Variants in UBXN2B observed in about 807,000 individuals in gnomAD.
The protein encoded by UBXN2B is UBX domain protein 2B.
A neutral mutation model predicts 37.5 loss-of-function variants in UBXN2B; 19 were observed. That is an observed-to-expected ratio of 0.51 (90% confidence interval 0.35 to 0.74). The LOEUF (loss-of-function observed/expected upper bound fraction) is 0.74, where lower values mean the gene tolerates loss of function less well. UBXN2B is among the 30% of genes least tolerant of loss of function. The pLI is 0.01. For missense variants in UBXN2B, 370 were observed against 393.2 expected, an observed-to-expected ratio of 0.94 and a Z score of 0.50; for synonymous variants, 145 against 143.8, an observed-to-expected ratio of 1.01 and a Z score of -0.06.
At position 58,450,951 on chromosome 8, in the gene UBXN2B, C is replaced by T. The variant is rs2129604859; in HGVS notation, c.*3400C>T. The stretch of plus-strand genomic sequence containing the variant: ...TCAAAATAAGCCCTACTCCTTTTCA[C>T]TTACTGAAAACAACTTGGATAATGT... On this transcript the variant is annotated 3_prime_UTR_variant, in exon 8 of 8. Transcript: ENST00000399598. The T allele has an allele frequency of 6.5e-6, 1 of 152,716 alleles. No individual in the cohort carries two copies. The highest frequency in any genetic ancestry group is 6.5e-5 in the Admixed American group (1 of 15,296). The allele number at this position is 152,716 out of a possible 1,614,324, so 9.5% of individuals were successfully genotyped here.
rs370716179 is a variant in UBXN2B at position 58,445,964 on chromosome 8, A to G, written c.729A>G (p.Ile243Met). Residue 243 changes from isoleucine to methionine, a missense_variant, in exon 7 of 8, where the codon ATA (isoleucine) becomes ATG (methionine). By Grantham distance (10) the Ile-to-Met change is conservative. Coordinates refer to ENST00000399598, the MANE Select transcript of UBXN2B (RefSeq NM_001077619.2). ...CTCCAGAAGAGGAGGATAAATCAAT[A>G]CTTAATGCAGTTGTTCTTATTGATG... Reference protein sequence around the residue: ...PSSPEEEDKSILNAVVLIDDS... With the variant: ...PSSPEEEDKSMLNAVVLIDDS... The G allele has an allele frequency of 3.7e-6, 6 of 1,613,024 alleles. No individual in the cohort carries two copies. In the African/African-American group the frequency reaches 6.7e-5, roughly 18 times the overall value.
At chr8:58,438,989 A>G (rs1808482155) in intron 5 of UBXN2B, among the ~76,000 whole-genome samples, 1 of 152,122 alleles carries the variant, frequency 6.6e-6, no homozygotes, top group African/African-American at 2.4e-5. Flanking sequence ...TAGTTCACTC[A>G]AGAGCTGGTT....
chr8:58,420,479 T>C (rs149988906), intron 2 of UBXN2B, among the ~76,000 whole-genome samples: 1,836 of 152,318 alleles, frequency 0.012, 26 homozygotes, highest in African/African-American at 0.041. Flanking sequence ...ATCAAAATGA[T>C]GACATCCTAA....
chr8:58,425,515 T>C, intron 2 of UBXN2B: 1 of 1,095,430 alleles, frequency 9.1e-7, no homozygotes, highest in Non-Finnish European at 1.4e-6. Flanking sequence ...CCTGGTATGA[T>C]CAAAGGGCAG....
chr8:58,435,868 T>C (rs184210331), intron 5 of UBXN2B, among the ~76,000 whole-genome samples: 46 of 152,328 alleles, frequency 3.0e-4, no homozygotes, highest in African/African-American at 1.0e-3. Context: ...TTCTCAGCTA[T>C]GTAAGACCCA....
At chr8:58,418,858 T>A (rs1169303667) in intron 2 of UBXN2B, among the ~76,000 whole-genome samples, 1 of 152,244 alleles carries the variant, frequency 6.6e-6, no homozygotes, top group African/African-American at 2.4e-5. Flanking sequence ...AATATGTATC[T>A]CTGTACTTGC....
intron 2 of UBXN2B, among the ~76,000 whole-genome samples, chr8:58,423,715 G>A (rs192098727): frequency 5.3e-5 from 8 of 150,920 alleles, no homozygotes; most frequent in East Asian, 3.9e-4. Flanking sequence ...GATTACAGGC[G>A]TGAGCCACCG....
At chr8:58,441,143 C>T (rs367640817) in intron 6 of UBXN2B, among the ~76,000 whole-genome samples, 4 of 151,654 alleles carry the variant, frequency 2.6e-5, no homozygotes, top group East Asian at 1.9e-4. Flanking sequence ...CACTGCCGAG[C>T]GCAGCTCATT....
chr8:58,419,109 A>G (rs995662554), intron 2 of UBXN2B, among the ~76,000 whole-genome samples: 2 of 152,230 alleles, frequency 1.3e-5, no homozygotes, highest in Non-Finnish European at 2.9e-5. Context: ...TTCTAGAATA[A>G]TTTATCTATC....
At chr8:58,427,970 G>A (rs1808146791) in intron 2 of UBXN2B, among the ~76,000 whole-genome samples, 1 of 152,180 alleles carries the variant, frequency 6.6e-6, no homozygotes, top group Admixed American at 6.5e-5. Context: ...AACAATTTTG[G>A]TATGAAAGTC....
chr8:58,429,851 A>G (rs1052725278), intron 2 of UBXN2B, among the ~76,000 whole-genome samples: 1 of 152,200 alleles, frequency 6.6e-6, no homozygotes, highest in Non-Finnish European at 1.5e-5. Context: ...TTCTTGATAG[A>G]AAAAAATCTT....
chr8:58,432,375 C>CTTTTTTTTTTTTTTT (rs34018318), intron 3 of UBXN2B, among the ~76,000 whole-genome samples: 16 of 81,520 alleles, frequency 2.0e-4, no homozygotes, highest in Non-Finnish European at 2.6e-4. Flanking sequence ...TTCTAAATTT[C>CTTTTTTTTTTTTTTT]TTTTTTTTTT....
At position 58,416,891 on chromosome 8, in the gene UBXN2B, A is replaced by C. The variant is rs1246033510; in HGVS notation, c.126A>C (p.Lys42Asn). The change falls in exon 2 of 8, where the codon AAA (lysine) becomes AAC (asparagine). Residue 42 changes from lysine (K) to asparagine (N), a missense_variant. By Grantham distance (94) the Lys-to-Asn change is moderately conservative. Coordinates refer to ENST00000399598, the MANE Select transcript of UBXN2B (RefSeq NM_001077619.2). ...TGTATGAAGATGAAGTGAAGTGCAA[A>C]TCTTCCAAGTCTAATAGACCTAAAG... ...AELYEDEVKC[K>N]SSKSNRPKAT... 6.2e-7 allele frequency: 1 copy of C among 1,612,898 alleles called. No individual in the cohort carries two copies. The highest frequency in any genetic ancestry group is 1.7e-5 in the Admixed American group (1 of 59,976).
At chr8:58,425,073 C>T in intron 2 of UBXN2B, 1 of 784,738 alleles carries the variant, frequency 1.3e-6, no homozygotes, top group Non-Finnish European at 2.3e-6. Flanking sequence ...CCAGCACACC[C>T]CTGGGGTCAA....
intron 2 of UBXN2B, chr8:58,425,232 A>T (rs1808049798): frequency 9.3e-7 from 1 of 1,076,970 alleles, no homozygotes; most frequent in East Asian, 2.4e-5. Flanking sequence ...GCATGATGCC[A>T]TATTCTTTTA....
chr8:58,447,407 C>G lies in UBXN2B; in HGVS notation c.852C>G (p.Asn284Lys), dbSNP rs747314168. Residue 284 changes from asparagine (N) to lysine (K), a missense_variant, in exon 8 of 8, where the codon AAC becomes AAG. Transcript: ENST00000399598. Reference sequence around the variant, plus strand: ...TCTTCAGGATCCTGGATGTCCGGAACTTTATTGTACAGTCTCGTCCTGAAT... The same window carrying G: ...TCTTCAGGATCCTGGATGTCCGGAAGTTTATTGTACAGTCTCGTCCTGAAT... ...NSTHRILDVR[N>K]FIVQSRPEFA... 18 of 1,597,412 alleles carry G rather than the reference C, an allele frequency of 1.1e-5. No homozygotes were observed. In the African/African-American group the frequency reaches 2.1e-4, roughly 19 times the overall value.
intron 2 of UBXN2B, among the ~76,000 whole-genome samples, chr8:58,429,694 T>TC (rs1431433755): frequency 3.3e-5 from 5 of 152,272 alleles, no homozygotes; most frequent in South Asian, 2.1e-4. Context: ...AGATATCATT[T>TC]CCCCCCATTG....
rs1808643409 is a variant in UBXN2B, at chr8:58,445,386, A to T, written c.672-521A>T. ...TTTAAATGATATTAACCAAGTCCAAATTAAATGAATTTAGTGCTGATAATA... is the reference window on the plus strand; with the variant it reads ...TTTAAATGATATTAACCAAGTCCAATTTAAATGAATTTAGTGCTGATAATA... On this transcript the variant is annotated intron_variant, in intron 6 of 7. Coordinates refer to ENST00000399598, the MANE Select transcript of UBXN2B (RefSeq NM_001077619.2). 3.3e-5 allele frequency among the ~76,000 whole-genome samples: 5 copies of T among 152,230 alleles called. No homozygotes were observed. In the South Asian group the frequency reaches 1.0e-3, roughly 31 times the overall value.
rs1378533273 is a variant in UBXN2B, at chr8:58,424,615, C to G, written c.189-5904C>G. On this transcript the variant is annotated intron_variant, in intron 2 of 7. Coordinates refer to ENST00000399598, the MANE Select transcript of UBXN2B (RefSeq NM_001077619.2). Reference sequence around the variant, plus strand: ...ATCTGAAACTCTTCTGCTGTTGCATCAGGCCCACGTTTTCATACACTCTAG... The same window carrying G: ...ATCTGAAACTCTTCTGCTGTTGCATGAGGCCCACGTTTTCATACACTCTAG... 4.2e-6 allele frequency: 5 copies of G among 1,191,288 alleles called. No homozygotes were observed. The African/African-American group carries it at 7.5e-5, about 18-fold the overall frequency. 73.8% of individuals were successfully genotyped at this position (1,191,288 alleles called of 1,614,324 possible).
Sources: allele counts gnomAD v4.1 joint callset (sites outside exome capture counted in the v4.1 genomes callset), GRCh38; gene constraint gnomAD v4.1.1; transcripts MANE v1.5; gene names NCBI Gene and HGNC (gene_info 2026-07-23, HGNC 2026-07-21).